Variants in ARHGAP15 observed in about 807,000 individuals in gnomAD.
ARHGAP15 encodes rho GTPase-activating protein 15.
ARHGAP15 carries 51 observed loss-of-function variants against 63.7 expected under a neutral mutation model. That is an observed-to-expected ratio of 0.80 (90% CI 0.64 to 1.01). The LOEUF is 1.01. Among genes scored for constraint, ARHGAP15 ranks in the 50% least tolerant of loss-of-function variants. ARHGAP15 has a pLI of 0.00. For missense variants in ARHGAP15, 560 were observed against 564.6 expected, an observed-to-expected ratio of 0.99 and a Z score of 0.08; for synonymous variants, 191 against 193.8, an observed-to-expected ratio of 0.99 and a Z score of 0.12.
At chr2:143,294,635 C>T (rs924243545) in intron 6 of ARHGAP15, among the ~76,000 whole-genome samples, 1 of 152,016 alleles carries the variant, frequency 6.6e-6, no homozygotes, top group African/African-American at 2.4e-5. Context: ...GGAAGTGACA[C>T]ACATCACTTC....
intron 13 of ARHGAP15, among the ~76,000 whole-genome samples, chr2:143,765,534 T>C (rs538124356): frequency 2.1e-4 from 32 of 152,160 alleles, no homozygotes; most frequent in Non-Finnish European, 3.8e-4. Flanking sequence ...TGCTATCTGC[T>C]TAAAGCAGAA....
In ARHGAP15 at chr2:143,556,431, C is replaced by A. The variant is rs763082124; in HGVS notation, c.949C>A (p.Arg317=). The A allele has an allele frequency of 6.8e-6, 11 of 1,611,300 alleles. No individual in the cohort carries two copies. In the African/African-American group the frequency reaches 1.3e-4, roughly 20 times the overall value. The change falls in exon 11 of 14, where the codon CGA becomes AGA. Residue 317 remains arginine, a synonymous_variant. Transcript: ENST00000295095. ...KRGLDVDGIY[R]VSGNLATIQK... ...AGGTCTAGATGTTGATGGAATATAT[C>A]GAGTTAGTGGCAATCTGGCAACAAT...
At chr2:143,470,975 A>G (rs922818887) in intron 8 of ARHGAP15, among the ~76,000 whole-genome samples, 2 of 145,000 alleles carry the variant, frequency 1.4e-5, no homozygotes, top group Non-Finnish European at 3.1e-5. Flanking sequence ...GTGTGTACAT[A>G]CACACGTGTA....
At chr2:143,739,920 T>A (rs1465348757) in intron 13 of ARHGAP15, among the ~76,000 whole-genome samples, 3 of 152,300 alleles carry the variant, frequency 2.0e-5, no homozygotes, top group African/African-American at 2.4e-5. Flanking sequence ...TAGATTGTCA[T>A]TTCCATTTGG....
chr2:143,465,406 C>T (rs1048780582), intron 8 of ARHGAP15, among the ~76,000 whole-genome samples: 7 of 152,054 alleles, frequency 4.6e-5, no homozygotes, highest in Admixed American at 1.3e-4. Flanking sequence ...AGAATTGGAC[C>T]GTCCTTAAAT....
chr2:143,636,918 T>C (rs1300069683), intron 12 of ARHGAP15, among the ~76,000 whole-genome samples: 1 of 152,136 alleles, frequency 6.6e-6, no homozygotes, highest in East Asian at 1.9e-4. Context: ...GGCACCAGCA[T>C]GGTCAGTTCC....
At chr2:143,318,290 G>A (rs1683819644) in intron 6 of ARHGAP15, among the ~76,000 whole-genome samples, 1 of 152,046 alleles carries the variant, frequency 6.6e-6, no homozygotes, top group Admixed American at 6.5e-5. Context: ...ATAGGTGTGA[G>A]CCACCATGCC....
chr2:143,273,581 G>A (rs961301663), intron 6 of ARHGAP15, among the ~76,000 whole-genome samples: 2 of 152,090 alleles, frequency 1.3e-5, no homozygotes, highest in Admixed American at 6.5e-5. Context: ...CTAGTTGGAT[G>A]AAATATATTA....
chr2:143,473,265 C>T (rs1217541993), intron 8 of ARHGAP15, among the ~76,000 whole-genome samples: 1 of 152,178 alleles, frequency 6.6e-6, no homozygotes, highest in Non-Finnish European at 1.5e-5. Context: ...GTTTCTGTCC[C>T]CCTCTGCTTT....
intron 9 of ARHGAP15, among the ~76,000 whole-genome samples, chr2:143,492,455 T>G (rs527378844): frequency 6.6e-6 from 1 of 152,286 alleles, no homozygotes; most frequent in South Asian, 2.1e-4. Flanking sequence ...ATAGGTAAAT[T>G]TTAAAAGTTA....
chr2:143,758,231 T>G (rs1686645988), intron 13 of ARHGAP15, among the ~76,000 whole-genome samples: 1 of 151,718 alleles, frequency 6.6e-6, no homozygotes, highest in South Asian at 2.1e-4. Flanking sequence ...GTATTTTTTA[T>G]TTCATCTTTT....
At chr2:143,287,740 T>C (rs936478142) in intron 6 of ARHGAP15, among the ~76,000 whole-genome samples, 4 of 151,676 alleles carry the variant, frequency 2.6e-5, no homozygotes, top group African/African-American at 9.7e-5. Flanking sequence ...GAGGTGGAGG[T>C]TGCAGTAAGC....
chr2:143,283,059 T>A (rs1574208336), intron 6 of ARHGAP15, among the ~76,000 whole-genome samples: 1 of 152,210 alleles, frequency 6.6e-6, no homozygotes, highest in African/African-American at 2.4e-5. Flanking sequence ...GATGACTTTC[T>A]ATGCCCAAAT....
intron 6 of ARHGAP15, among the ~76,000 whole-genome samples, chr2:143,294,613 C>T (rs1682556109): frequency 6.6e-6 from 1 of 151,970 alleles, no homozygotes; most frequent in African/African-American, 2.4e-5. Flanking sequence ...GGAGGAGGGT[C>T]CTACTTAGAC....
chr2:143,190,652 G>A (rs767133773), intron 2 of ARHGAP15, among the ~76,000 whole-genome samples: 4 of 152,216 alleles, frequency 2.6e-5, no homozygotes, highest in Non-Finnish European at 5.9e-5. Context: ...GGGTGAGTAA[G>A]CCTGGGAGTC....
intron 6 of ARHGAP15, among the ~76,000 whole-genome samples, chr2:143,271,669 G>T (rs1428397098): frequency 6.6e-6 from 1 of 152,176 alleles, no homozygotes; most frequent in African/African-American, 2.4e-5. Context: ...GTAGAGACGG[G>T]GTTCCACCAT....
intron 6 of ARHGAP15, among the ~76,000 whole-genome samples, chr2:143,361,050 C>G (rs1048232708): frequency 6.6e-6 from 1 of 152,052 alleles, no homozygotes; most frequent in Non-Finnish European, 1.5e-5. Flanking sequence ...GCCATTGGCA[C>G]GTTCCACGCA....
intron 8 of ARHGAP15, among the ~76,000 whole-genome samples, chr2:143,449,542 T>C (rs186486480): frequency 6.6e-6 from 1 of 152,086 alleles, no homozygotes; most frequent in East Asian, 1.9e-4. Context: ...AAATTCTGGA[T>C]GAGCAGCAAC....
chr2:143,468,796 A>G (rs1413688755), intron 8 of ARHGAP15, among the ~76,000 whole-genome samples: 1 of 152,154 alleles, frequency 6.6e-6, no homozygotes, highest in Non-Finnish European at 1.5e-5. Flanking sequence ...TCAGTAGTCT[A>G]TTCAAATCAT....
Sources: allele counts gnomAD v4.1 joint callset (sites outside exome capture counted in the v4.1 genomes callset), GRCh38; gene constraint gnomAD v4.1.1; transcripts MANE v1.5; gene names NCBI Gene and HGNC (gene_info 2026-07-23, HGNC 2026-07-21).